LRRFIP2: variants seen among roughly 807,000 people sequenced by gnomAD.
The protein encoded by LRRFIP2 is LRR binding FLII interacting protein 2.
Under a neutral mutation model 125.9 loss-of-function variants are expected in LRRFIP2, and 109 were observed. That is an observed-to-expected ratio of 0.87 (90% CI 0.74 to 1.01). The LOEUF (loss-of-function observed/expected upper bound fraction) is 1.01, where lower values mean the gene tolerates loss of function less well. LRRFIP2 is among the 50% of genes least tolerant of loss of function. LRRFIP2 has a pLI of 0.00. For missense variants in LRRFIP2, 850 were observed against 862.3 expected (o/e 0.99, Z 0.18); for synonymous variants, 291 against 293.1 (o/e 0.99, Z 0.07).
At chr3:37,151,313 C>CA (rs2096016711) in intron 1 of LRRFIP2, among the ~76,000 whole-genome samples, 1 of 151,442 alleles carries the variant, frequency 6.6e-6, no homozygotes, top group African/African-American at 2.4e-5. Flanking sequence ...GAACCGAGAT[C>CA]GTGCCACTGC....
In LRRFIP2 at chr3:37,151,303, G is replaced by T. The variant is rs575814761; in HGVS notation, c.-55-2265C>A. Among the ~76,000 whole-genome samples the T allele has an allele frequency of 4.6e-5, 7 of 151,648 alleles. No individual in the cohort carries two copies. In the East Asian group the frequency reaches 9.7e-4, roughly 21 times the overall value. ...GAATCCAGGAGGTGGAGATTGCAGT[G>T]AACCGAGATCGTGCCACTGCACTCC... On this transcript the variant is annotated intron_variant, in intron 1 of 27. Transcript: ENST00000336686.
chr3:37,165,167 G>A (rs1462926226), intron 1 of LRRFIP2, among the ~76,000 whole-genome samples: 2 of 151,236 alleles, frequency 1.3e-5, no homozygotes, highest in African/African-American at 4.9e-5. Context: ...CCTGGGAGGC[G>A]GAGCTTCCAG....
intron 21 of LRRFIP2, 70 bp from the exon 22 acceptor site, chr3:37,066,395 T>C (rs978785241): frequency 3.4e-6 from 4 of 1,176,716 alleles, no homozygotes; most frequent in African/African-American, 1.5e-5. Flanking sequence ...AGCAGAGAAG[T>C]ACCTAATTCA....
At chr3:37,106,488 C>A (rs2094330031) in intron 13 of LRRFIP2, among the ~76,000 whole-genome samples, 1 of 152,132 alleles carries the variant, frequency 6.6e-6, no homozygotes, top group African/African-American at 2.4e-5. Flanking sequence ...ATCTAGCCAG[C>A]CTATAAGGAC....
rs557718740 is a variant in LRRFIP2 at position 37,083,723 on chromosome 3, G to A, written c.1191C>T (p.Ile397=). Residue 397 remains isoleucine, a synonymous_variant, in exon 19 of 28, where the codon ATC becomes ATT. Coordinates refer to ENST00000336686, the MANE Select transcript of LRRFIP2 (RefSeq NM_006309.4). ...AQLDNEKNNL[I]YQVDTLKDVI... Reference sequence around the variant, plus strand: ...CATCCTTGAGTGTGTCTACTTGGTAGATCAAATTGTTCTTCTCATTGTCTA... The same window carrying A: ...CATCCTTGAGTGTGTCTACTTGGTAAATCAAATTGTTCTTCTCATTGTCTA... The A allele has an allele frequency of 6.2e-7, 1 of 1,600,944 alleles. No individual in the cohort carries two copies. Among genetic ancestry groups the A allele is most frequent in the Non-Finnish European group, 8.5e-7 (1 of 1,175,234 alleles).
At chr3:37,092,646 A>G (rs2093508165) in intron 17 of LRRFIP2, among the ~76,000 whole-genome samples, 1 of 152,154 alleles carries the variant, frequency 6.6e-6, no homozygotes, top group Non-Finnish European at 1.5e-5. Context: ...TATCTTATTC[A>G]ACTTTCCACC....
chr3:37,081,606 T>C (rs2092643889), intron 19 of LRRFIP2, among the ~76,000 whole-genome samples: 1 of 152,068 alleles, frequency 6.6e-6, no homozygotes, highest in Admixed American at 6.6e-5. Flanking sequence ...GTACAAGACC[T>C]GCCACGGTGG....
rs116596718 is a variant in LRRFIP2 at position 37,115,609 on chromosome 3, T to C, written c.331-514A>G. On this transcript the variant is annotated intron_variant, in intron 6 of 27. Coordinates refer to ENST00000336686, the MANE Select transcript of LRRFIP2 (RefSeq NM_006309.4). Reference sequence around the variant, plus strand: ...AAGATGGGGAACATTCCCTTGGATCTGCTTGTGAACAAACACCTAAGAATG... The same window carrying C: ...AAGATGGGGAACATTCCCTTGGATCCGCTTGTGAACAAACACCTAAGAATG... Among the ~76,000 whole-genome samples the C allele has an allele frequency of 2.8e-3, 423 of 152,350 alleles. 3 individuals carry two copies. The highest frequency in any genetic ancestry group is 9.8e-3 in the African/African-American group (407 of 41,584).
At chr3:37,103,302 A>C (rs890883839) in intron 14 of LRRFIP2, among the ~76,000 whole-genome samples, 2 of 152,166 alleles carry the variant, frequency 1.3e-5, no homozygotes, top group Non-Finnish European at 2.9e-5. Context: ...TCTCATGTTT[A>C]AGATATTTAT....
chr3:37,103,104 T>G lies in LRRFIP2; in HGVS notation c.784-91A>C. Reference sequence around the variant, plus strand: ...ATTGGCCAATTAGGGAAAAGTTTTTTAAAATTTTGATGGGTGATAAAGTAC... The same window carrying G: ...ATTGGCCAATTAGGGAAAAGTTTTTGAAAATTTTGATGGGTGATAAAGTAC... On this transcript the variant is annotated intron_variant, in intron 14 of 27. Coordinates refer to ENST00000336686, the MANE Select transcript of LRRFIP2 (RefSeq NM_006309.4). The G allele has an allele frequency of 5.5e-6, 5 of 908,660 alleles. No homozygotes were observed. In the South Asian group the frequency reaches 8.5e-5, roughly 15 times the overall value. The allele number at this position is 908,660 out of a possible 1,614,324, so 56.3% of individuals were successfully genotyped here.
intron 1 of LRRFIP2, among the ~76,000 whole-genome samples, chr3:37,168,031 A>C (rs1188803778): frequency 2.0e-5 from 3 of 152,230 alleles, no homozygotes; most frequent in African/African-American, 7.2e-5. Context: ...GTTGGCAAGG[A>C]TGTGGAGAAA....
At position 37,090,912 on chromosome 3, in the gene LRRFIP2, C is replaced by T. The variant is rs2149165475; in HGVS notation, c.1107+555G>A. Among the ~76,000 whole-genome samples the T allele has an allele frequency of 1.3e-5, 2 of 152,302 alleles. 1 individual carries two copies. Among genetic ancestry groups the T allele is most frequent in the Middle Eastern group, 6.8e-3 (2 of 294 alleles). ...TTGCTACTTCCTCTCACATTTAATA[C>T]TGACTGAGTTTGGTAACAGAAATAT... is the stretch of plus-strand genomic sequence containing the variant. On this transcript the variant is annotated intron_variant, in intron 18 of 27. Transcript: ENST00000336686.
intron 1 of LRRFIP2, among the ~76,000 whole-genome samples, chr3:37,169,378 G>C (rs2096553912): frequency 6.6e-6 from 1 of 151,980 alleles, no homozygotes; most frequent in Admixed American, 6.6e-5. Flanking sequence ...TCATTTCCTT[G>C]ACTGTTCACC....
At chr3:37,081,038 C>G (rs568007605) in intron 19 of LRRFIP2, among the ~76,000 whole-genome samples, 57 of 152,262 alleles carry the variant, frequency 3.7e-4, no homozygotes, top group African/African-American at 1.2e-3. Context: ...AATCCCAACA[C>G]TTTGGGAGGT....
intron 2 of LRRFIP2, among the ~76,000 whole-genome samples, chr3:37,133,942 A>G (rs967831754): frequency 6.6e-6 from 1 of 152,166 alleles, no homozygotes; most frequent in African/African-American, 2.4e-5. Flanking sequence ...TAAAGTTAAT[A>G]TAAAAATTCA....
At chr3:37,090,249 GAC>G (rs2093353328) in intron 18 of LRRFIP2, among the ~76,000 whole-genome samples, 1 of 122,760 alleles carries the variant, frequency 8.1e-6, no homozygotes, top group Admixed American at 8.6e-5. Context: ...TTTGTTTTGA[GAC>G]AGAGTCTCGC....
intron 1 of LRRFIP2, among the ~76,000 whole-genome samples, chr3:37,162,825 A>C (rs1180198948): frequency 6.6e-6 from 1 of 152,166 alleles, no homozygotes; most frequent in Non-Finnish European, 1.5e-5. Context: ...TCCATTTAAC[A>C]TGAGATGTGC....
At chr3:37,143,267 G>C (rs1434514918) in intron 2 of LRRFIP2, among the ~76,000 whole-genome samples, 1 of 152,184 alleles carries the variant, frequency 6.6e-6, no homozygotes, top group African/African-American at 2.4e-5. Flanking sequence ...TAACTCTTTA[G>C]AAACCTAAAT....
chr3:37,055,116 T>C lies in LRRFIP2; in HGVS notation c.1920A>G (p.Ala640=), dbSNP rs149482869. The C allele has an allele frequency of 3.7e-5, 59 of 1,597,160 alleles. No homozygotes were observed. The African/African-American group carries it at 6.5e-4, about 18-fold the overall frequency. Reference sequence around the variant, plus strand: ...GCTCCAAGGTAGTTATATCCTGTTCTGCTTTTGAAAGCTTAAATTTGTATT... The same window carrying C: ...GCTCCAAGGTAGTTATATCCTGTTCCGCTTTTGAAAGCTTAAATTTGTATT... ...ISEYKFKLSK[A]EQDITTLEQS... The change falls in exon 26 of 28, where the codon GCA becomes GCG. Residue 640 remains alanine, a synonymous_variant. Coordinates refer to ENST00000336686, the MANE Select transcript of LRRFIP2 (RefSeq NM_006309.4).
Sources: allele counts gnomAD v4.1 joint callset (sites outside exome capture counted in the v4.1 genomes callset), GRCh38; gene constraint gnomAD v4.1.1; transcripts MANE v1.5; gene names NCBI Gene and HGNC (gene_info 2026-07-23, HGNC 2026-07-21).